ANKRD28: variants seen among roughly 807,000 people sequenced by gnomAD.
ANKRD28 encodes the protein serine/threonine-protein phosphatase 6 regulatory ankyrin repeat subunit A.
Under a neutral mutation model 126.5 loss-of-function variants are expected in ANKRD28, and 44 were observed. The observed-to-expected ratio is 0.35, with a 90% CI of 0.27 to 0.45. ANKRD28 has a LOEUF of 0.45. Among genes scored for constraint, ANKRD28 ranks in the 20% least tolerant of loss-of-function variants. ANKRD28 has a pLI of 1.00. For synonymous variants in ANKRD28, 442 were observed against 468.5 expected (o/e 0.94, Z 0.73); for missense variants, 1,110 against 1,316.6 (o/e 0.84, Z 2.43).
chr3:15,720,131 T>G (rs994565762), intron 8 of ANKRD28, among the ~76,000 whole-genome samples: 4 of 152,106 alleles, frequency 2.6e-5, no homozygotes, highest in Non-Finnish European at 5.9e-5. Flanking sequence ...CCCAAAGTGG[T>G]GGGATTACAG....
intron 3 of ANKRD28, chr3:15,756,444 A>C: frequency 1.1e-6 from 1 of 950,808 alleles, no homozygotes; most frequent in Non-Finnish European, 1.3e-6. Context: ...TCGGAAATAA[A>C]ACATAAATTC....
intron 1 of ANKRD28, among the ~76,000 whole-genome samples, chr3:15,842,380 T>C (rs2061441214): frequency 1.3e-5 from 2 of 150,352 alleles, no homozygotes; most frequent in Non-Finnish European, 3.0e-5. Context: ...AGACAGACAG[T>C]AGAAGGATGG....
At chr3:15,791,108 GA>G (rs1173924926) in intron 2 of ANKRD28, among the ~76,000 whole-genome samples, 1 of 151,942 alleles carries the variant, frequency 6.6e-6, no homozygotes, top group Non-Finnish European at 1.5e-5. Context: ...AATAAAACAC[GA>G]ATGAAGAAAA....
At chr3:15,764,944 T>G (rs1475055299) in intron 3 of ANKRD28, among the ~76,000 whole-genome samples, 1 of 152,180 alleles carries the variant, frequency 6.6e-6, no homozygotes, top group African/African-American at 2.4e-5. Flanking sequence ...AAAATCCAAC[T>G]GATTCTTAAA....
intron 4 of ANKRD28, among the ~76,000 whole-genome samples, chr3:15,743,545 AACACAC>A (rs4036221): frequency 0.097 from 13,678 of 140,390 alleles, 636 homozygotes; most frequent in East Asian, 0.12. Flanking sequence ...GTGGCTTTTT[AACACAC>A]ACACACACAC....
In ANKRD28 at chr3:15,765,722, C is replaced by A. The variant is rs138451909; in HGVS notation, c.280+512G>T. ...GGGTATGGAGGCATGTGCCTGTAAT[C>A]CCAGCTACTCGGGAGGCTGAGGCAG... On this transcript the variant is annotated intron_variant, in intron 3 of 27. Transcript: ENST00000683139. Among the ~76,000 whole-genome samples, 536 of 152,076 alleles carry A rather than the reference C, an allele frequency of 3.5e-3. 6 individuals are homozygous for A. Among genetic ancestry groups the A allele is most frequent in the African/African-American group, 0.012 (517 of 41,472 alleles).
At chr3:15,847,495 C>T (rs2061553659) in intron 1 of ANKRD28, among the ~76,000 whole-genome samples, 1 of 152,170 alleles carries the variant, frequency 6.6e-6, no homozygotes, top group African/African-American at 2.4e-5. Context: ...TAACTGTCTA[C>T]TGTAACAACA....
At chr3:15,699,067 A>G (rs2070135342) in intron 14 of ANKRD28, among the ~76,000 whole-genome samples, 1 of 152,192 alleles carries the variant, frequency 6.6e-6, no homozygotes, top group Non-Finnish European at 1.5e-5. Context: ...AACAGAACAG[A>G]GGCCTCAGAA....
chr3:15,762,202 A>AAAC (rs2058503065), intron 3 of ANKRD28, among the ~76,000 whole-genome samples: 1 of 31,850 alleles, frequency 3.1e-5, no homozygotes, highest in African/African-American at 6.2e-5. Context: ...AAAAAAAAAA[A>AAAC]AAAAAAAAAA....
chr3:15,799,066 AAC>A (rs2060398059), upstream of ANKRD28, among the ~76,000 whole-genome samples: 1 of 152,022 alleles, frequency 6.6e-6, no homozygotes, highest in Non-Finnish European at 1.5e-5. Context: ...TGTTATTTTA[AAC>A]ACATACTCTT....
chr3:15,772,528 T>A (rs547437571), intron 2 of ANKRD28, among the ~76,000 whole-genome samples: 195 of 152,274 alleles, frequency 1.3e-3, no homozygotes, highest in African/African-American at 4.1e-3. Context: ...GGGTACTACA[T>A]CACGACCAAC....
chr3:15,709,787 T>C, intron 12 of ANKRD28, 51 bp from the exon 13 acceptor site: 1 of 1,270,226 alleles, frequency 7.9e-7, no homozygotes, highest in East Asian at 2.6e-5. Flanking sequence ...GATTTTATAA[T>C]GAAATTGGTA....
In ANKRD28 at chr3:15,704,299, T is replaced by A. The variant is rs142480090; in HGVS notation, c.1547+3625A>T. Among the ~76,000 whole-genome samples, 77 of 151,838 alleles carry A rather than the reference T, an allele frequency of 5.1e-4. No individual in the cohort carries two copies. In the East Asian group the frequency reaches 0.014, roughly 27 times the overall value. ...TAACAAGCAGAATGACTAGAATGAG[T>A]CACGGAAGATTTCATGTATTTTTCC... is the stretch of plus-strand genomic sequence containing the variant. On this transcript the variant is annotated intron_variant, in intron 14 of 27. Transcript: ENST00000683139.
chr3:15,678,926 T>C (rs371895512), intron 23 of ANKRD28, among the ~76,000 whole-genome samples: 1 of 152,206 alleles, frequency 6.6e-6, no homozygotes, highest in Admixed American at 6.5e-5. Flanking sequence ...CTGTAAATTC[T>C]CTCACACCAG....
At chr3:15,736,584 C>T (rs1375483689) in intron 5 of ANKRD28, among the ~76,000 whole-genome samples, 2 of 152,212 alleles carry the variant, frequency 1.3e-5, no homozygotes, top group Admixed American at 6.5e-5. Context: ...CTAGCACAGA[C>T]AACGTTTGTT....
intron 14 of ANKRD28, among the ~76,000 whole-genome samples, chr3:15,699,982 AC>A (rs2070315194): frequency 6.6e-6 from 1 of 152,226 alleles, no homozygotes; most frequent in Non-Finnish European, 1.5e-5. Flanking sequence ...CTTGGAACCA[AC>A]CCAAATGTCC....
rs780077858 is a variant in ANKRD28 at position 15,685,214 on chromosome 3, T to C, written c.2389+12A>G. The C allele has an allele frequency of 2.3e-5, 37 of 1,611,930 alleles. No homozygotes were observed. Among genetic ancestry groups the C allele is most frequent in the Non-Finnish European group, 3.0e-5 (35 of 1,178,216 alleles). ...CTACACAATGATATGCATTTGTGTTTGTATACTTAACCATTGTAGCAAGCC... is the reference window on the plus strand; with the variant it reads ...CTACACAATGATATGCATTTGTGTTCGTATACTTAACCATTGTAGCAAGCC... On this transcript the variant is annotated intron_variant, in intron 21 of 27. Coordinates refer to ENST00000683139, the MANE Select transcript of ANKRD28 (RefSeq NM_001349278.2).
chr3:15,719,443 A>G (rs1383891011), intron 8 of ANKRD28, among the ~76,000 whole-genome samples: 2 of 152,250 alleles, frequency 1.3e-5, no homozygotes, highest in Non-Finnish European at 2.9e-5. Flanking sequence ...AAATTAATAC[A>G]GAAACAACTA....
intron 1 of ANKRD28, among the ~76,000 whole-genome samples, chr3:15,832,509 T>G (rs991144372): frequency 2.6e-5 from 4 of 152,354 alleles, no homozygotes; most frequent in Admixed American, 2.6e-4. Context: ...ACTGCAGATT[T>G]CTTACATGCA....
Sources: gnomAD v4.1 joint callset for allele counts (sites outside exome capture counted in the v4.1 genomes callset) on GRCh38, gnomAD v4.1.1 for gene constraint, MANE v1.5 for transcripts, NCBI Gene and HGNC (gene_info 2026-07-23, HGNC 2026-07-21) for gene names.